Variants in ARFIP1 observed in about 807,000 individuals in gnomAD.
ARFIP1 encodes the protein ARF interacting protein 1, also known as arfaptin-1.
In ARFIP1, 24 loss-of-function variants were observed where a neutral mutation model predicts 42.5. The ratio of observed to expected loss-of-function variants is 0.57; its 90% CI spans 0.41 to 0.80. ARFIP1 has a LOEUF of 0.80. Among genes scored for constraint, ARFIP1 ranks in the 30% least tolerant of loss-of-function variants. ARFIP1 has a pLI of 0.00. For missense variants in ARFIP1, 354 were observed against 434.0 expected, an observed-to-expected ratio of 0.82 and a Z score of 1.64; for synonymous variants, 141 against 153.7, an observed-to-expected ratio of 0.92 and a Z score of 0.61.
chr4:152,853,975 C>T (rs111993265), intron 2 of ARFIP1, among the ~76,000 whole-genome samples: 93 of 138,198 alleles, frequency 6.7e-4, no homozygotes, highest in African/African-American at 2.3e-3. Context: ...CAGTGGGGCA[C>T]GATCTTGGCT....
At chr4:152,840,809 C>T (rs1732006081) in intron 2 of ARFIP1, among the ~76,000 whole-genome samples, 1 of 150,144 alleles carries the variant, frequency 6.7e-6, no homozygotes, top group East Asian at 2.0e-4. Context: ...GCTTCCACCT[C>T]CTGGGTTCAG....
intron 3 of ARFIP1, among the ~76,000 whole-genome samples, chr4:152,864,913 CTTTTTT>C (rs34123163): frequency 1.8e-5 from 2 of 112,484 alleles, no homozygotes; most frequent in African/African-American, 3.3e-5. Context: ...CTTTTTTAAA[CTTTTTT>C]TTTTTTTTTT....
intron 5 of ARFIP1, among the ~76,000 whole-genome samples, chr4:152,879,089 A>G (rs1437385273): frequency 6.6e-6 from 1 of 152,080 alleles, no homozygotes; most frequent in African/African-American, 2.4e-5. Context: ...TTTCCACAGT[A>G]ATACTTTATC....
At chr4:152,896,448 A>G (rs1313912570) in intron 8 of ARFIP1, among the ~76,000 whole-genome samples, 2 of 152,224 alleles carry the variant, frequency 1.3e-5, no homozygotes, top group Non-Finnish European at 2.9e-5. Flanking sequence ...AATGATAGAA[A>G]ACTCCTCAGG....
At chr4:152,908,079 A>T (rs551831722) in intron 8 of ARFIP1, among the ~76,000 whole-genome samples, 129 of 152,182 alleles carry the variant, frequency 8.5e-4, no homozygotes, top group East Asian at 4.8e-3. Context: ...TTTTAATTTG[A>T]GTTTTCCTAT....
At chr4:152,837,023 A>C (rs1243861878) in intron 2 of ARFIP1, among the ~76,000 whole-genome samples, 1 of 152,222 alleles carries the variant, frequency 6.6e-6, no homozygotes, top group East Asian at 1.9e-4. Flanking sequence ...CAGTGAGAAC[A>C]TACGATGTTT....
intron 8 of ARFIP1, among the ~76,000 whole-genome samples, chr4:152,894,522 C>G (rs973033287): frequency 6.6e-6 from 1 of 152,100 alleles, no homozygotes; most frequent in African/African-American, 2.4e-5. Context: ...CTTAATGTCA[C>G]CTTTACTTCT....
chr4:152,795,984 G>A (rs1211534628), intron 1 of ARFIP1: 3 of 531,108 alleles, frequency 5.6e-6, no homozygotes, highest in Non-Finnish European at 1.1e-5. Flanking sequence ...TAGCTGTTTG[G>A]TAGTACTCAG....
intron 1 of ARFIP1, among the ~76,000 whole-genome samples, chr4:152,828,529 T>C (rs755864734): frequency 3.3e-5 from 5 of 152,370 alleles, no homozygotes; most frequent in Non-Finnish European, 7.3e-5. Context: ...ACATCTGTTT[T>C]GATAAAACAT....
intron 5 of ARFIP1, among the ~76,000 whole-genome samples, chr4:152,874,663 C>CTGTTTGTT (rs201739237): frequency 6.6e-6 from 1 of 151,994 alleles, no homozygotes; most frequent in Non-Finnish European, 1.5e-5. Context: ...TATCCATTTA[C>CTGTTTGTT]TGTTTGTTTG....
intron 2 of ARFIP1, among the ~76,000 whole-genome samples, chr4:152,850,325 A>T (rs557469645): frequency 6.6e-6 from 1 of 152,208 alleles, no homozygotes; most frequent in South Asian, 2.1e-4. Context: ...ATTTCCTGAA[A>T]ATGTGCCCAC....
chr4:152,893,139 G>A (rs1737003040), intron 8 of ARFIP1, among the ~76,000 whole-genome samples: 1 of 152,170 alleles, frequency 6.6e-6, no homozygotes, highest in East Asian at 1.9e-4. Flanking sequence ...CCTAGCAATG[G>A]TGCAGGTATA....
At chr4:152,782,223 GGTGTGTGTGTGTGTGT>G (rs71598214) in intron 1 of ARFIP1, among the ~76,000 whole-genome samples, 56,828 of 148,598 alleles carry the variant, frequency 0.38, 11,670 homozygotes, top group Admixed American at 0.5. Flanking sequence ...AACAGGTAGG[GGTGTGTGTGTGTGTGT>G]GTGTGTGTGT....
At chr4:152,851,348 G>C (rs537923682) in intron 2 of ARFIP1, among the ~76,000 whole-genome samples, 1 of 152,316 alleles carries the variant, frequency 6.6e-6, no homozygotes, top group South Asian at 2.1e-4. Flanking sequence ...ATAAGCTGAG[G>C]TCTGAAGGAT....
chr4:152,870,758 C>T lies in ARFIP1; in HGVS notation c.208C>T (p.Pro70Ser), dbSNP rs267600041. The change falls in exon 4 of 9, where the codon CCA becomes TCA. Residue 70 changes from proline (P) to serine (S), a missense_variant. Physicochemically the swap from Pro to Ser is moderately conservative, Grantham distance 74. Transcript: ENST00000353617. ...VIEAGAFQGS[P>S]APPLPSVMSP... ...TAAAATGTCTACCTTTTCAGGTTCC[C>T]CAGCACCGCCACTGCCATCTGTTAT... 6 of 1,613,506 alleles carry T rather than the reference C, an allele frequency of 3.7e-6. No homozygotes were observed. The East Asian group carries it at 8.9e-5, about 24-fold the overall frequency.
chr4:152,875,330 T>G (rs890276309), intron 5 of ARFIP1, among the ~76,000 whole-genome samples: 58 of 151,424 alleles, frequency 3.8e-4, no homozygotes, highest in Admixed American at 3.3e-4. Flanking sequence ...TGATTTTTAT[T>G]TTTTCCTAGT....
chr4:152,895,086 T>A (rs1737196564), intron 8 of ARFIP1, among the ~76,000 whole-genome samples: 1 of 152,140 alleles, frequency 6.6e-6, no homozygotes, highest in African/African-American at 2.4e-5. Flanking sequence ...ATAGGCCATA[T>A]TAGGGAAAAG....
chr4:152,851,209 C>G (rs183236711), intron 2 of ARFIP1, among the ~76,000 whole-genome samples: 2 of 152,254 alleles, frequency 1.3e-5, no homozygotes, highest in Admixed American at 1.3e-4. Flanking sequence ...AGCATATGGT[C>G]TTCGGAATGG....
At chr4:152,793,492 G>C (rs1731253782) in intron 1 of ARFIP1, among the ~76,000 whole-genome samples, 1 of 151,842 alleles carries the variant, frequency 6.6e-6, no homozygotes, top group African/African-American at 2.4e-5. Flanking sequence ...GATGTTCCAA[G>C]ACCCACATAC....
Sources: gnomAD v4.1 joint callset for allele counts (sites outside exome capture counted in the v4.1 genomes callset) on GRCh38, gnomAD v4.1.1 for gene constraint, MANE v1.5 for transcripts, NCBI Gene and HGNC (gene_info 2026-07-23, HGNC 2026-07-21) for gene names.